HS6ST3: variants seen among roughly 807,000 people sequenced by gnomAD.
HS6ST3 encodes the protein heparan sulfate 6-O-sulfotransferase 3.
A neutral mutation model predicts 36.7 loss-of-function variants in HS6ST3; 12 were observed. That is an observed-to-expected ratio of 0.33 (90% CI 0.21 to 0.53). The LOEUF (loss-of-function observed/expected upper bound fraction) is 0.53, where lower values mean the gene tolerates loss of function less well. Among genes scored for constraint, HS6ST3 ranks in the 20% least tolerant of loss-of-function variants. The pLI is 0.95. For synonymous variants in HS6ST3, 240 were observed against 257.5 expected, an observed-to-expected ratio of 0.93 and a Z score of 0.65; for missense variants, 584 against 640.9, an observed-to-expected ratio of 0.91 and a Z score of 0.96.
chr13:96,553,770 G>A (rs921680933), intron 1 of HS6ST3, among the ~76,000 whole-genome samples: 1 of 152,178 alleles, frequency 6.6e-6, no homozygotes, highest in African/African-American at 2.4e-5. Flanking sequence ...ATACAATGAA[G>A]GAGGTGCTTA....
chr13:96,659,493 T>A (rs761398089), intron 1 of HS6ST3, among the ~76,000 whole-genome samples: 1 of 152,122 alleles, frequency 6.6e-6, no homozygotes, highest in Non-Finnish European at 1.5e-5. Context: ...TATATTTTAA[T>A]AAATTACTTC....
At chr13:96,371,490 T>C (rs908716145) in intron 1 of HS6ST3, among the ~76,000 whole-genome samples, 1 of 152,186 alleles carries the variant, frequency 6.6e-6, no homozygotes, top group Non-Finnish European at 1.5e-5. Context: ...CTACTTAAGA[T>C]CTCTCTTAGC....
intron 1 of HS6ST3, among the ~76,000 whole-genome samples, chr13:96,623,596 C>T (rs1327180314): frequency 6.6e-6 from 1 of 151,996 alleles, no homozygotes; most frequent in East Asian, 1.9e-4. Context: ...AGGTATTCAG[C>T]CCCCTCCTGC....
At chr13:96,401,576 T>C (rs2055451442) in intron 1 of HS6ST3, among the ~76,000 whole-genome samples, 2 of 152,170 alleles carry the variant, frequency 1.3e-5, no homozygotes, top group African/African-American at 4.8e-5. Flanking sequence ...TTATAAGGAC[T>C]GTTATTTATT....
rs148713436 is a variant in HS6ST3, at chr13:96,320,018, G to C, written c.707+228449G>C. Among the ~76,000 whole-genome samples, 109 of 152,116 alleles carry C rather than the reference G, an allele frequency of 7.2e-4. 2 individuals are homozygous for C. The highest frequency in any genetic ancestry group is 2.5e-3 in the African/African-American group (104 of 41,496). ...GTGATTCAATGGTGGTGAGTTTTTC[G>C]GTTTACTCCTCAAATGACTTTTTTT... is the stretch of plus-strand genomic sequence containing the variant. On this transcript the variant is annotated intron_variant, in intron 1 of 1. Transcript: ENST00000376705.
At chr13:96,410,486 G>A (rs1399433669) in intron 1 of HS6ST3, among the ~76,000 whole-genome samples, 1 of 151,864 alleles carries the variant, frequency 6.6e-6, no homozygotes, top group East Asian at 1.9e-4. Flanking sequence ...AAAATACTTT[G>A]TCCTGGTGAG....
At chr13:96,231,985 G>T (rs1163206060) in intron 1 of HS6ST3, among the ~76,000 whole-genome samples, 1 of 152,152 alleles carries the variant, frequency 6.6e-6, no homozygotes, top group East Asian at 1.9e-4. Context: ...AGCAGCATTT[G>T]TCTGCTTGGG....
intron 1 of HS6ST3, among the ~76,000 whole-genome samples, chr13:96,616,287 AAG>A (rs2056474134): frequency 6.6e-6 from 1 of 152,196 alleles, no homozygotes; most frequent in African/African-American, 2.4e-5. Context: ...AATCAATGCT[AAG>A]ATTTATTGTC....
chr13:96,241,456 A>G (rs989854609), intron 1 of HS6ST3, among the ~76,000 whole-genome samples: 5 of 152,010 alleles, frequency 3.3e-5, no homozygotes, highest in African/African-American at 9.7e-5. Context: ...TAATAGTTCT[A>G]TCTAAATTTT....
intron 1 of HS6ST3, among the ~76,000 whole-genome samples, chr13:96,639,372 G>A (rs1021415873): frequency 2.0e-5 from 3 of 151,916 alleles, no homozygotes; most frequent in East Asian, 1.9e-4. Context: ...GTTACTGTTT[G>A]CATGATACAT....
intron 1 of HS6ST3, among the ~76,000 whole-genome samples, chr13:96,341,826 C>T (rs1307783006): frequency 2.6e-5 from 4 of 152,084 alleles, no homozygotes; most frequent in Non-Finnish European, 4.4e-5. Context: ...AAGTAGGACT[C>T]CCAAACTCCA....
At chr13:96,175,312 G>A in intron 1 of HS6ST3, among the ~76,000 whole-genome samples, 1 of 152,092 alleles carries the variant, frequency 6.6e-6, no homozygotes, top group East Asian at 1.9e-4. Flanking sequence ...ATCGTCTGAT[G>A]TTGTTCGTGA....
chr13:96,513,627 C>G (rs183267049), intron 1 of HS6ST3, among the ~76,000 whole-genome samples: 10 of 152,126 alleles, frequency 6.6e-5, no homozygotes, highest in Admixed American at 6.5e-4. Context: ...TGTATCTTTT[C>G]TTTAAAATCA....
At chr13:96,220,238 A>G (rs1044209335) in intron 1 of HS6ST3, among the ~76,000 whole-genome samples, 2 of 152,240 alleles carry the variant, frequency 1.3e-5, no homozygotes, top group African/African-American at 4.8e-5. Context: ...CTTTCCATGC[A>G]GATAATAAAT....
chr13:96,230,532 C>T (rs928767708), intron 1 of HS6ST3, among the ~76,000 whole-genome samples: 1 of 152,008 alleles, frequency 6.6e-6, no homozygotes, highest in African/African-American at 2.4e-5. Flanking sequence ...AAATTGTAGT[C>T]AAAGCCTTGG....
rs558432863 is a variant in HS6ST3 at position 96,414,430 on chromosome 13, A to G, written c.707+322861A>G. ...GTACATTTACCCAAAGCCAAATATT[A>G]GCTAGGTTTGTGTGATATCAACTTC... On this transcript the variant is annotated intron_variant, in intron 1 of 1. Coordinates refer to ENST00000376705, the MANE Select transcript of HS6ST3 (RefSeq NM_153456.4). Among the ~76,000 whole-genome samples the G allele has an allele frequency of 3.3e-5, 5 of 152,324 alleles. No homozygotes were observed. In the South Asian group the frequency reaches 8.3e-4, roughly 25 times the overall value.
chr13:96,801,749 T>C (rs1054594687), intron 1 of HS6ST3, among the ~76,000 whole-genome samples: 1 of 152,100 alleles, frequency 6.6e-6, no homozygotes, highest in Admixed American at 6.6e-5. Flanking sequence ...ACGTGCAATC[T>C]TATATTTCAC....
chr13:96,269,978 A>G (rs1435160573), intron 1 of HS6ST3, among the ~76,000 whole-genome samples: 1 of 151,940 alleles, frequency 6.6e-6, no homozygotes, highest in East Asian at 1.9e-4. Context: ...CCTTCCAACA[A>G]GACTTATCAG....
intron 1 of HS6ST3, among the ~76,000 whole-genome samples, chr13:96,559,534 G>A (rs926495711): frequency 2.6e-5 from 4 of 152,128 alleles, no homozygotes; most frequent in Admixed American, 2.6e-4. Context: ...TCTTAATGAA[G>A]CTAAAACACA....
Sources: allele counts gnomAD v4.1 joint callset (sites outside exome capture counted in the v4.1 genomes callset), GRCh38; gene constraint gnomAD v4.1.1; transcripts MANE v1.5; gene names NCBI Gene and HGNC (gene_info 2026-07-23, HGNC 2026-07-21).